PALM2AKAP2: variants seen among roughly 807,000 people sequenced by gnomAD.
PALM2AKAP2 encodes the protein PALM2 and AKAP2 fusion.
PALM2AKAP2 carries 37 observed loss-of-function variants against 71.5 expected under a neutral mutation model. The ratio of observed to expected loss-of-function variants is 0.52; its 90% CI spans 0.40 to 0.68. The LOEUF (loss-of-function observed/expected upper bound fraction) is 0.68. Among genes scored for constraint, PALM2AKAP2 ranks in the 30% least tolerant of loss-of-function variants. The pLI, the probability that PALM2AKAP2 is intolerant of heterozygous loss-of-function variation, is 0.00. For synonymous variants in PALM2AKAP2, 468 were observed against 478.8 expected (o/e 0.98, Z 0.29); for missense variants, 1,224 against 1,191.8 (o/e 1.03, Z -0.40).
At chr9:110,027,481 A>G (rs1833200970) in intron 7 of PALM2AKAP2, among the ~76,000 whole-genome samples, 1 of 152,258 alleles carries the variant, frequency 6.6e-6, no homozygotes, top group Non-Finnish European at 1.5e-5. Context: ...ATTTTAGCAC[A>G]GCAGAATTTT....
chr9:109,715,761 C>T lies in PALM2AKAP2; in HGVS notation c.6-64727C>T, dbSNP rs528055199. 5.5e-4 allele frequency among the ~76,000 whole-genome samples: 84 copies of T among 152,348 alleles called. 1 individual carries two copies. The South Asian group carries it at 0.016, about 29-fold the overall frequency. On this transcript the variant is annotated intron_variant, in intron 1 of 6. Coordinates refer to the PALM2AKAP2 transcript ENST00000374531. ...AGTACTTAAACACTCATTGTAGCCCCAGTTGTTCTAGCCTATTTCATATCC... is the reference window on the plus strand; with the variant it reads ...AGTACTTAAACACTCATTGTAGCCCTAGTTGTTCTAGCCTATTTCATATCC...
chr9:109,667,497 G>A (rs1827504896), intron 1 of PALM2AKAP2, among the ~76,000 whole-genome samples: 1 of 152,136 alleles, frequency 6.6e-6, no homozygotes, highest in Admixed American at 6.5e-5. Flanking sequence ...CCTTTTAAAC[G>A]AATGTAACCC....
At chr9:109,900,826 C>T (rs1352422814) in intron 3 of PALM2AKAP2, among the ~76,000 whole-genome samples, 1 of 152,184 alleles carries the variant, frequency 6.6e-6, no homozygotes, top group Non-Finnish European at 1.5e-5. Flanking sequence ...TTTCTTACCA[C>T]CAAAAGACAG....
intron 1 of PALM2AKAP2, among the ~76,000 whole-genome samples, chr9:109,646,245 A>T (rs1486881558): frequency 6.6e-6 from 1 of 152,174 alleles, no homozygotes; most frequent in Non-Finnish European, 1.5e-5. Flanking sequence ...TGGGTTGGGT[A>T]TGAGATCCAT....
chr9:109,682,971 A>G (rs1432672478), intron 1 of PALM2AKAP2, among the ~76,000 whole-genome samples: 1 of 152,162 alleles, frequency 6.6e-6, no homozygotes, highest in African/African-American at 2.4e-5. Flanking sequence ...AGGTGATTGG[A>G]CCACGAGGGT....
intron 6 of PALM2AKAP2, among the ~76,000 whole-genome samples, chr9:109,950,422 GT>G: frequency 6.6e-6 from 1 of 152,290 alleles, no homozygotes. Flanking sequence ...AATTTTTAGA[GT>G]TCCTGAATAT....
chr9:109,730,649 T>A (rs1828544175), intron 1 of PALM2AKAP2, among the ~76,000 whole-genome samples: 1 of 152,236 alleles, frequency 6.6e-6, no homozygotes, highest in African/African-American at 2.4e-5. Flanking sequence ...TTTTTAGAAA[T>A]CAATGTGTCT....
intron 5 of PALM2AKAP2, among the ~76,000 whole-genome samples, chr9:109,928,669 C>A (rs1320174755): frequency 6.8e-6 from 1 of 147,814 alleles, no homozygotes; most frequent in South Asian, 2.2e-4. Context: ...ATCTTTCTCT[C>A]GCTCTCTTTT....
At chr9:109,761,058 C>T (rs1248395652) in intron 1 of PALM2AKAP2, among the ~76,000 whole-genome samples, 3 of 152,142 alleles carry the variant, frequency 2.0e-5, no homozygotes, top group African/African-American at 4.8e-5. Context: ...CAGAGGTAAC[C>T]TTCAGCTAAT....
At chr9:110,098,893 A>G (rs1435864745) in intron 1 of PALM2AKAP2, among the ~76,000 whole-genome samples, 1 of 152,336 alleles carries the variant, frequency 6.6e-6, no homozygotes, top group East Asian at 1.9e-4. Flanking sequence ...AATTCACTAT[A>G]TGAAAAGCAG....
upstream of PALM2AKAP2, among the ~76,000 whole-genome samples, chr9:110,047,259 T>C (rs1833618826): frequency 6.6e-6 from 1 of 152,208 alleles, no homozygotes; most frequent in African/African-American, 2.4e-5. Context: ...CTATTGACAT[T>C]CAGGAACCCT....
At chr9:109,815,565 C>G (rs192203773) in intron 1 of PALM2AKAP2, among the ~76,000 whole-genome samples, 72 of 152,242 alleles carry the variant, frequency 4.7e-4, no homozygotes, top group African/African-American at 1.5e-3. Context: ...GATGAAAGAA[C>G]TTTCCAGGAA....
chr9:110,093,234 G>GTTGA (rs138896401), intron 1 of PALM2AKAP2, among the ~76,000 whole-genome samples: 17,476 of 152,126 alleles, frequency 0.11, 1,071 homozygotes, highest in Middle Eastern at 0.23. Flanking sequence ...AGAATTGATA[G>GTTGA]TTGATTGATT....
chr9:110,011,043 G>GTA (rs1199506108), intron 6 of PALM2AKAP2, among the ~76,000 whole-genome samples: 1 of 94,062 alleles, frequency 1.1e-5, no homozygotes, highest in Non-Finnish European at 2.1e-5. Flanking sequence ...ATATACTTTT[G>GTA]TATATAAGTA....
chr9:109,728,032 C>G (rs1310430728), intron 1 of PALM2AKAP2, among the ~76,000 whole-genome samples: 2 of 152,218 alleles, frequency 1.3e-5, no homozygotes, highest in Admixed American at 6.5e-5. Context: ...GTCAACCTGT[C>G]TCTCTTGAGT....
intron 1 of PALM2AKAP2, among the ~76,000 whole-genome samples, chr9:109,650,640 G>T (rs183994571): frequency 2.6e-5 from 4 of 152,142 alleles, no homozygotes; most frequent in Admixed American, 2.6e-4. Context: ...TGTCCAAGTT[G>T]GTCTCAAATT....
chr9:110,006,871 G>T (rs190180954), intron 6 of PALM2AKAP2, among the ~76,000 whole-genome samples: 9 of 152,030 alleles, frequency 5.9e-5, no homozygotes, highest in Non-Finnish European at 1.3e-4. Context: ...CATCCTCCAG[G>T]TGGCCACATC....
intron 6 of PALM2AKAP2, among the ~76,000 whole-genome samples, chr9:109,975,060 GCACA>G (rs35855395): frequency 0.047 from 7,043 of 149,394 alleles, 324 homozygotes; most frequent in East Asian, 0.25. Context: ...ATCTGCACGT[GCACA>G]CACACACACA....
At chr9:110,067,677 A>C (rs1834111653) in intron 1 of PALM2AKAP2, among the ~76,000 whole-genome samples, 2 of 152,220 alleles carry the variant, frequency 1.3e-5, no homozygotes, top group Non-Finnish European at 2.9e-5. Context: ...AAAAAGTATC[A>C]AGGTCTCAAC....
Sources: gnomAD v4.1 joint callset for allele counts (sites outside exome capture counted in the v4.1 genomes callset) on GRCh38, gnomAD v4.1.1 for gene constraint, MANE v1.5 for transcripts, NCBI Gene and HGNC (gene_info 2026-07-23, HGNC 2026-07-21) for gene names.